The following PCDH7 variants were observed in gnomAD, a reference collection of about 807,000 sequenced individuals.
PCDH7 encodes the protein protocadherin 7.
Under a neutral mutation model 58.9 loss-of-function variants are expected in PCDH7, and 17 were observed. The ratio of observed to expected loss-of-function variants is 0.29; its 90% CI spans 0.20 to 0.43. The LOEUF (loss-of-function observed/expected upper bound fraction) is 0.43, where lower values mean the gene tolerates loss of function less well. Ranked by LOEUF, PCDH7 falls within the 20% of genes least tolerant of loss-of-function variation. The probability of loss-of-function intolerance (pLI) is 1.00; values close to 1 mark genes in which losing one functional copy is unlikely to be tolerated. For synonymous variants in PCDH7, 664 were observed against 616.4 expected, an observed-to-expected ratio of 1.08 and a Z score of -1.14; for missense variants, 1,274 against 1,441.0, an observed-to-expected ratio of 0.88 and a Z score of 1.88.
chr4:31,049,672 G>A (rs992824622), intron 3 of PCDH7, among the ~76,000 whole-genome samples: 13 of 152,164 alleles, frequency 8.5e-5, no homozygotes, highest in Non-Finnish European at 1.8e-4. Context: ...AGGGTCAGAC[G>A]CCTTCATCAG....
intron 1 of PCDH7, among the ~76,000 whole-genome samples, chr4:30,889,437 A>T (rs1307519955): frequency 6.6e-6 from 1 of 152,152 alleles, no homozygotes; most frequent in African/African-American, 2.4e-5. Context: ...ACACCAAATG[A>T]ACTTTCATAG....
At chr4:31,054,798 C>T (rs1182885242) in intron 3 of PCDH7, among the ~76,000 whole-genome samples, 5 of 151,948 alleles carry the variant, frequency 3.3e-5, no homozygotes, top group Non-Finnish European at 5.9e-5. Context: ...TTGTTGGTAT[C>T]GTTCAGGTTA....
At chr4:31,023,338 T>C (rs903269191) in intron 3 of PCDH7, among the ~76,000 whole-genome samples, 2 of 152,188 alleles carry the variant, frequency 1.3e-5, no homozygotes, top group Non-Finnish European at 2.9e-5. Flanking sequence ...CTCCTGCGTG[T>C]ATTTTATATT....
chr4:30,999,120 A>G (rs1318208940), intron 3 of PCDH7, among the ~76,000 whole-genome samples: 4 of 152,118 alleles, frequency 2.6e-5, no homozygotes, highest in Non-Finnish European at 5.9e-5. Flanking sequence ...GCTGTGACCT[A>G]TAACATCTAT....
intron 1 of PCDH7, among the ~76,000 whole-genome samples, chr4:30,781,346 T>C (rs2109289051): frequency 6.6e-6 from 1 of 151,948 alleles, no homozygotes. Flanking sequence ...TTCACCGTGT[T>C]AGCCAGGATG....
At chr4:31,118,331 A>G (rs1717244470) in intron 3 of PCDH7, among the ~76,000 whole-genome samples, 1 of 152,148 alleles carries the variant, frequency 6.6e-6, no homozygotes, top group Admixed American at 6.6e-5. Context: ...GGAACTGTAA[A>G]TTATCTACTA....
At chr4:30,846,561 T>A (rs1385133572) in intron 1 of PCDH7, among the ~76,000 whole-genome samples, 3 of 152,048 alleles carry the variant, frequency 2.0e-5, no homozygotes, top group African/African-American at 7.2e-5. Context: ...AAGACAATTA[T>A]TACTTGTGGG....
At chr4:30,789,957 A>G (rs1165477231) in intron 1 of PCDH7, among the ~76,000 whole-genome samples, 1 of 152,190 alleles carries the variant, frequency 6.6e-6, no homozygotes, top group Non-Finnish European at 1.5e-5. Context: ...GGCTATCTAC[A>G]GCAGAAGAAC....
intron 1 of PCDH7, among the ~76,000 whole-genome samples, chr4:30,907,593 G>A (rs1741130295): frequency 1.3e-5 from 2 of 152,066 alleles, no homozygotes; most frequent in Admixed American, 1.3e-4. Flanking sequence ...TAAAAAGTCA[G>A]GAAACAACAG....
intron 3 of PCDH7, among the ~76,000 whole-genome samples, chr4:31,012,228 G>A (rs1753247355): frequency 6.6e-6 from 1 of 152,016 alleles, no homozygotes; most frequent in African/African-American, 2.4e-5. Context: ...AAATCGGTCA[G>A]TACACCGAAA....
At chr4:31,135,378 C>T (rs973366532) in intron 3 of PCDH7, among the ~76,000 whole-genome samples, 1 of 152,056 alleles carries the variant, frequency 6.6e-6, no homozygotes, top group African/African-American at 2.4e-5. Context: ...AACCATGACA[C>T]GTGATGAATA....
At chr4:30,956,311 A>G (rs1029146889) in intron 3 of PCDH7, among the ~76,000 whole-genome samples, 2 of 152,130 alleles carry the variant, frequency 1.3e-5, no homozygotes, top group African/African-American at 4.8e-5. Flanking sequence ...ATAACTTTGT[A>G]CCTGGATTTG....
At chr4:31,004,538 C>T (rs985215689) in intron 3 of PCDH7, among the ~76,000 whole-genome samples, 6 of 151,848 alleles carry the variant, frequency 4.0e-5, no homozygotes, top group African/African-American at 1.5e-4. Flanking sequence ...GGTGAAACCC[C>T]ATCTCTACAA....
At chr4:30,888,728 G>A (rs2109380411) in intron 1 of PCDH7, among the ~76,000 whole-genome samples, 1 of 152,172 alleles carries the variant, frequency 6.6e-6, no homozygotes, top group South Asian at 2.1e-4. Context: ...CCCGGTAACT[G>A]GGAAGAGAAG....
intron 3 of PCDH7, among the ~76,000 whole-genome samples, chr4:30,955,097 T>C (rs1475957889): frequency 2.0e-5 from 3 of 152,060 alleles, no homozygotes; most frequent in Admixed American, 6.6e-5. Context: ...TGAATGATTA[T>C]TATAATTTTT....
chr4:31,001,561 A>C (rs1237786678), intron 3 of PCDH7, among the ~76,000 whole-genome samples: 2 of 152,130 alleles, frequency 1.3e-5, no homozygotes, highest in African/African-American at 4.8e-5. Context: ...ACACACGTAC[A>C]TACATTCAAA....
rs575973890 is a variant in PCDH7, at chr4:30,983,497, G to A, written c.*7+33282G>A. On this transcript the variant is annotated intron_variant, in intron 3 of 3. Coordinates refer to the PCDH7 transcript ENST00000509759. Reference sequence around the variant, plus strand: ...TAATAAAAAGCTAACTTTAACTTACGGAATTTCAAAGAAAAAGCTATTTCA... The same window carrying A: ...TAATAAAAAGCTAACTTTAACTTACAGAATTTCAAAGAAAAAGCTATTTCA... Among the ~76,000 whole-genome samples the A allele has an allele frequency of 8.5e-5, 13 of 152,054 alleles. No individual in the cohort carries two copies. The South Asian group carries it at 1.0e-3, about 12-fold the overall frequency.
intron 3 of PCDH7, among the ~76,000 whole-genome samples, chr4:30,996,667 A>T (rs890396772): frequency 6.6e-6 from 1 of 152,144 alleles, no homozygotes. Context: ...CACTGGGGAA[A>T]CTTGGTTTTA....
intron 3 of PCDH7, among the ~76,000 whole-genome samples, chr4:31,011,223 A>G (rs539342916): frequency 2.0e-5 from 3 of 152,026 alleles, no homozygotes; most frequent in Non-Finnish European, 4.4e-5. Flanking sequence ...AAGAAATTAA[A>G]TTGGAAGATA....
Sources: allele counts gnomAD v4.1 joint callset (sites outside exome capture counted in the v4.1 genomes callset), GRCh38; gene constraint gnomAD v4.1.1; transcripts MANE v1.5; gene names NCBI Gene and HGNC (gene_info 2026-07-23, HGNC 2026-07-21).